Variants in STAT2 observed in about 807,000 individuals in gnomAD.
STAT2 encodes the protein signal transducer and activator of transcription 2.
Under a neutral mutation model 122.3 loss-of-function variants are expected in STAT2, and 51 were observed. That is an observed-to-expected ratio of 0.42 (90% CI 0.33 to 0.53). STAT2 has a LOEUF of 0.53. STAT2 is among the 20% of genes least tolerant of loss of function. The probability of loss-of-function intolerance (pLI) is 0.10; values close to 1 mark genes in which losing one functional copy is unlikely to be tolerated. For missense variants in STAT2, 736 were observed against 1,010.3 expected (o/e 0.73, Z 3.68); for synonymous variants, 351 against 394.9 (o/e 0.89, Z 1.32).
intron 11 of STAT2, 105 bp downstream of exon 11, chr12:56,350,711 CTGTGAGGTAGGAT>C: frequency 9.0e-7 from 1 of 1,113,150 alleles, no homozygotes; most frequent in South Asian, 1.3e-5. Flanking sequence ...ATTATAATTT[CTGTGAGGTAGGAT>C]TGGAAGGAGG....
At chr12:56,354,019 ATATATAT>A (rs1879078532) in intron 8 of STAT2, among the ~76,000 whole-genome samples, 4 of 54,418 alleles carry the variant, frequency 7.4e-5, no homozygotes, top group South Asian at 1.6e-3. Context: ...AAAAAAAAAT[ATATATAT>A]ATATATATAT....
intron 3 of STAT2, 121 bp from the exon 4 acceptor site, chr12:56,355,924 TC>T: frequency 1.6e-6 from 2 of 1,266,180 alleles, no homozygotes; most frequent in Non-Finnish European, 2.2e-6. Context: ...TAGCCCTTTG[TC>T]TTTTCACCAT....
At chr12:56,349,332 A>G in intron 15 of STAT2, 71 bp from the exon 16 acceptor site, 1 of 1,614,058 alleles carries the variant, frequency 6.2e-7, no homozygotes, top group Non-Finnish European at 8.5e-7. Context: ...AGAGGAAAGG[A>G]GTGCTAACCC....
chr12:56,343,853 C>T lies in STAT2; in HGVS notation c.2385G>A (p.Leu795=). 1 of 1,614,228 alleles carries T rather than the reference C, an allele frequency of 6.2e-7. No individual in the cohort carries two copies. Among genetic ancestry groups the T allele is most frequent in the Non-Finnish European group, 8.5e-7 (1 of 1,180,040 alleles). ...CCATTGGCTCAGTGTTCAAATGTCTCAGATCACAGGGCAAATCTGGCTCTG... is the reference window on the plus strand; with the variant it reads ...CCATTGGCTCAGTGTTCAAATGTCTTAGATCACAGGGCAAATCTGGCTCTG... ...PVPEPDLPCD[L]RHLNTEPMEI... is the part of the protein sequence containing the mutation. Residue 795 remains leucine (L), a synonymous_variant, in exon 23 of 24, where the codon CTG becomes CTA. Coordinates refer to ENST00000314128, the MANE Select transcript of STAT2 (RefSeq NM_005419.4).
At chr12:56,350,624 CAT>C (rs1055272001) in intron 11 of STAT2, among the ~76,000 whole-genome samples, 192 bp from the exon 12 acceptor site, 3 of 152,142 alleles carry the variant, frequency 2.0e-5, no homozygotes, top group African/African-American at 7.2e-5. Context: ...ATAGTTTATT[CAT>C]GGGGTTGGTG....
In STAT2 at chr12:56,349,914, T is replaced by C. The variant is rs11575236; in HGVS notation, c.1209+183A>G. The C allele has an allele frequency of 0.049, 32,257 of 657,186 alleles. 7,423 individuals are homozygous for C. In the African/African-American group the frequency reaches 0.51, roughly 10 times the overall value. The allele number at this position is 657,186 out of a possible 1,614,324, so 40.7% of individuals were successfully genotyped here. ...AAATACAAAAATTAGCCGGGCATGG[T>C]GGTGTGTGCCTATAGTCTCAGCTAC... On this transcript the variant is annotated intron_variant, in intron 13 of 23. Transcript: ENST00000314128.
chr12:56,350,247 C>T, intron 12 of STAT2, 57 bp from the exon 13 acceptor site: 1 of 1,417,150 alleles, frequency 7.1e-7, no homozygotes, highest in Non-Finnish European at 9.7e-7. Context: ...AAAAACTCAG[C>T]AGAAAAAAAA....
At chr12:56,348,497 A>G in intron 19 of STAT2, 32 bp downstream of exon 19, 2 of 1,611,462 alleles carry the variant, frequency 1.2e-6, no homozygotes, top group Non-Finnish European at 8.5e-7. Flanking sequence ...GGAAAGCACA[A>G]GCCCATGAGG....
intron 1 of STAT2, among the ~76,000 whole-genome samples, chr12:56,358,942 C>T (rs1263787076): frequency 2.0e-5 from 3 of 152,164 alleles, no homozygotes; most frequent in African/African-American, 7.2e-5. Context: ...CAGGCTGTCC[C>T]ATGCATCTTT....
Position 56,343,533 on chromosome 12 carries a change from T to G in STAT2, c.2414-2A>C. On this transcript the variant is annotated splice_acceptor_variant, in intron 23 of 23. Transcript: ENST00000314128. LOFTEE classifies it high-confidence loss of function. Reference sequence around the variant, plus strand: ...CAATCTTTACACAGTTTCTGAAGACTAGGTAATCCAGAGAGAAAAGTGAGG... The same window carrying G: ...CAATCTTTACACAGTTTCTGAAGACGAGGTAATCCAGAGAGAAAAGTGAGG... The G allele has an allele frequency of 6.2e-7, 1 of 1,613,096 alleles. No individual in the cohort carries two copies. Among genetic ancestry groups the G allele is most frequent in the Non-Finnish European group, 8.5e-7 (1 of 1,179,356 alleles).
chr12:56,354,340 A>T, intron 8 of STAT2, 126 bp downstream of exon 8: 1 of 1,446,378 alleles, frequency 6.9e-7, no homozygotes, highest in Non-Finnish European at 9.4e-7. Flanking sequence ...TGCAGTCAGC[A>T]GGGAGCAGGG....
At chr12:56,348,212 T>G (rs1233220852) in intron 19 of STAT2, among the ~76,000 whole-genome samples, 2 of 150,632 alleles carry the variant, frequency 1.3e-5, no homozygotes, top group East Asian at 4.0e-4. Context: ...CTCAGCCTCC[T>G]GAGTAGCTGG....
chr12:56,355,210 T>A, intron 6 of STAT2, 66 bp downstream of exon 6: 2 of 1,579,180 alleles, frequency 1.3e-6, no homozygotes, highest in South Asian at 2.2e-5. Flanking sequence ...CTTTCTCCTG[T>A]TCACTTCCAG....
At chr12:56,349,906 G>A (rs1048208611) in intron 13 of STAT2, 191 bp downstream of exon 13, 20 of 650,208 alleles carry the variant, frequency 3.1e-5, no homozygotes, top group Admixed American at 2.3e-4. Flanking sequence ...AAAATTAGCC[G>A]GGCATGGTGG....
intron 6 of STAT2, 180 bp from the exon 7 acceptor site, chr12:56,355,043 T>C (rs1184014928): frequency 1.4e-6 from 1 of 733,134 alleles, no homozygotes; most frequent in Non-Finnish European, 2.3e-6. Flanking sequence ...AGACACCCCC[T>C]CAAATAAAAC....
Position 56,343,289 on chromosome 12 carries a change from G to A in STAT2, c.*100C>T. 6.6e-7 allele frequency: 1 copy of A among 1,513,232 alleles called. No homozygotes were observed. The highest frequency in any genetic ancestry group is 1.3e-5 in the South Asian group (1 of 78,244). 93.7% of individuals were successfully genotyped at this position (1,513,232 alleles called of 1,614,324 possible). ...TGAGTTTGAACAGTTAACACAGCTT[G>A]GAAGGGACACATGCCTGATTCCCAT... On this transcript the variant is annotated 3_prime_UTR_variant, in exon 24 of 24. Coordinates refer to ENST00000314128, the MANE Select transcript of STAT2 (RefSeq NM_005419.4).
At chr12:56,354,040 T>TATATATATATATATATATATATATAA (rs1157971570) in intron 8 of STAT2, among the ~76,000 whole-genome samples, 4 of 53,350 alleles carry the variant, frequency 7.5e-5, no homozygotes, top group African/African-American at 2.2e-4. Context: ...TATATATATA[T>TATATATATATATATATATATATATAA]AAAAAATACT....
In STAT2 at chr12:56,346,501, C is replaced by T. The variant is rs773618917; in HGVS notation, c.1985G>A (p.Arg662His). 21 of 1,614,062 alleles carry T rather than the reference C, an allele frequency of 1.3e-5. No homozygotes were observed. The highest frequency in any genetic ancestry group is 1.5e-5 in the Non-Finnish European group (18 of 1,180,046). ...TEENIPENPL[R>H]FLYPRIPRDE... ...CCGGGGGATTCGGGGATAGAGGAAG[C>T]GCAGTGGGTTTTCAGGTATATTCTC... Residue 662 changes from arginine (R) to histidine (H), a missense_variant, in exon 21 of 24, where the codon CGC becomes CAC. Transcript: ENST00000314128.
chr12:56,351,521 C>T, intron 8 of STAT2, 71 bp from the exon 9 acceptor site: 1 of 1,531,762 alleles, frequency 6.5e-7, no homozygotes. Flanking sequence ...TCCAAGATCT[C>T]TCTGTAAATA....
Sources: allele counts gnomAD v4.1 joint callset (sites outside exome capture counted in the v4.1 genomes callset), GRCh38; gene constraint gnomAD v4.1.1; transcripts MANE v1.5; gene names NCBI Gene and HGNC (gene_info 2026-07-23, HGNC 2026-07-21).